Variants in EPS8 observed in about 807,000 individuals in gnomAD.
EPS8 encodes epidermal growth factor receptor kinase substrate 8.
EPS8 carries 42 observed loss-of-function variants against 103.8 expected under a neutral mutation model. The observed-to-expected ratio is 0.40, with a 90% confidence interval of 0.32 to 0.52. EPS8 has a LOEUF of 0.52. Among genes scored for constraint, EPS8 ranks in the 20% least tolerant of loss-of-function variants. The pLI is 0.40. For synonymous variants in EPS8, 344 were observed against 344.6 expected, an observed-to-expected ratio of 1.00 and a Z score of 0.02; for missense variants, 969 against 1,005.1, an observed-to-expected ratio of 0.96 and a Z score of 0.49.
chr12:15,739,421 G>T (rs2136003709), intron 1 of EPS8, among the ~76,000 whole-genome samples: 1 of 152,318 alleles, frequency 6.6e-6, no homozygotes, highest in South Asian at 2.1e-4. Context: ...AGATTGGCGT[G>T]TGAGTCGGTG....
intron 18 of EPS8, among the ~76,000 whole-genome samples, chr12:15,629,384 G>A (rs1054802301): frequency 2.0e-5 from 3 of 152,196 alleles, no homozygotes; most frequent in South Asian, 2.1e-4. Context: ...CTGTGCTGAC[G>A]TCTCTACGGA....
At position 15,784,656 on chromosome 12, in the gene EPS8, AG is replaced by A. The variant is rs1194899513; in HGVS notation, c.-22+4504del. Among the ~76,000 whole-genome samples the A allele has an allele frequency of 2.0e-5, 3 of 152,198 alleles. No homozygotes were observed. Among genetic ancestry groups the A allele is most frequent in the African/African-American group, 4.8e-5 (2 of 41,470 alleles). The stretch of plus-strand genomic sequence containing the variant: ...TCTAGATATTTATCCAACGGATATA[AG>A]AACTTATGTCTACCCAAAAACCTGC... On this transcript the variant is annotated intron_variant, in intron 1 of 20. Transcript: ENST00000281172. This position sits in a 1 kb window ranked among gnomAD's most constrained non-coding sequence, Gnocchi z 4.0.
At chr12:15,682,866 A>T (rs1423126833) in intron 2 of EPS8, 27 bp downstream of exon 2, 1 of 1,186,028 alleles carries the variant, frequency 8.4e-7, no homozygotes, top group South Asian at 1.3e-5. Context: ...CCCCCAAAAC[A>T]TATTAAATAT....
chr12:15,755,020 G>A (rs1362591939), intron 1 of EPS8, among the ~76,000 whole-genome samples: 2 of 152,174 alleles, frequency 1.3e-5, no homozygotes, highest in Non-Finnish European at 2.9e-5. Context: ...CCTGATGTGC[G>A]CATACCCAGA....
In EPS8 at chr12:15,731,454, C is replaced by A. The variant is rs754680901; in HGVS notation, c.-21-48482G>T. ...CTGGGATTACAGGTGCCTGCCACCACGCCTGGCTAATTTTTGTATTTTTAG... is the reference window on the plus strand; with the variant it reads ...CTGGGATTACAGGTGCCTGCCACCAAGCCTGGCTAATTTTTGTATTTTTAG... On this transcript the variant is annotated intron_variant, in intron 1 of 20. Transcript: ENST00000281172. This position sits in a 1 kb window ranked among gnomAD's most constrained non-coding sequence, Gnocchi z 5.1. Among the ~76,000 whole-genome samples the A allele has an allele frequency of 1.3e-5, 2 of 152,110 alleles. No homozygotes were observed. The highest frequency in any genetic ancestry group is 2.1e-4 in the South Asian group (1 of 4,824).
rs1160637670 is a variant in EPS8, at chr12:15,778,541, G to GC, written c.-22+10619dup. Among the ~76,000 whole-genome samples the GC allele has an allele frequency of 2.0e-5, 3 of 152,134 alleles. No homozygotes were observed. The highest frequency in any genetic ancestry group is 2.9e-5 in the Non-Finnish European group (2 of 68,030). ...CAGTACTTTTTTGAAAACAGACCAC[G>GC]CAACAGAGGTTCTGAGAATACAGAT... On this transcript the variant is annotated intron_variant, in intron 1 of 20. Coordinates refer to ENST00000281172, the MANE Select transcript of EPS8 (RefSeq NM_004447.6). This position sits in a 1 kb window ranked among gnomAD's most constrained non-coding sequence, Gnocchi z 4.5.
intron 1 of EPS8, among the ~76,000 whole-genome samples, chr12:15,742,464 A>C (rs910402108): frequency 6.6e-6 from 1 of 152,222 alleles, no homozygotes; most frequent in African/African-American, 2.4e-5. Context: ...ACAAAAAAAG[A>C]GAATTTTAGA....
intron 15 of EPS8, among the ~76,000 whole-genome samples, chr12:15,644,850 C>G (rs1483989038): frequency 6.6e-6 from 1 of 152,064 alleles, no homozygotes; most frequent in Non-Finnish European, 1.5e-5. Flanking sequence ...TATCAGACCA[C>G]AATTTTCAGA....
chr12:15,719,100 C>A (rs1946565392), intron 1 of EPS8, among the ~76,000 whole-genome samples: 1 of 151,984 alleles, frequency 6.6e-6, no homozygotes, highest in Non-Finnish European at 1.5e-5. Flanking sequence ...GATAAGGTGT[C>A]CTCTTATCAA....
chr12:15,703,048 C>T (rs1380838271), intron 1 of EPS8, among the ~76,000 whole-genome samples: 3 of 152,130 alleles, frequency 2.0e-5, no homozygotes, highest in African/African-American at 4.8e-5. Flanking sequence ...ACTCGGGAGG[C>T]TGAGCCACAA....
In EPS8 at chr12:15,734,152, T is replaced by G. The variant is rs1946744635; in HGVS notation, c.-21-51180A>C. Among the ~76,000 whole-genome samples the G allele has an allele frequency of 6.6e-6, 1 of 152,176 alleles. No individual in the cohort carries two copies. The highest frequency in any genetic ancestry group is 2.4e-5 in the African/African-American group (1 of 41,432). On this transcript the variant is annotated intron_variant, in intron 1 of 20. Transcript: ENST00000281172. The surrounding 1 kb of genome is among the most constrained non-coding windows in gnomAD (Gnocchi z 4.1). The stretch of plus-strand genomic sequence containing the variant: ...CATCATGCCTGGCCAGAAAATTCAT[T>G]TTTAATAACCTATAGATTAACAATG...
intron 1 of EPS8, among the ~76,000 whole-genome samples, chr12:15,686,604 AAAAG>A (rs1341994962): frequency 1.3e-5 from 2 of 152,220 alleles, no homozygotes; most frequent in Non-Finnish European, 2.9e-5. Flanking sequence ...ATAATTTTCA[AAAAG>A]AAAGGAAATG....
At chr12:15,631,315 T>C in intron 18 of EPS8, 127 bp downstream of exon 18, 2 of 1,334,776 alleles carry the variant, frequency 1.5e-6, no homozygotes, top group Non-Finnish European at 2.0e-6. Flanking sequence ...TGAAAATCTT[T>C]GCAATCTATT....
chr12:15,632,700 C>A (rs1476846269), intron 17 of EPS8, among the ~76,000 whole-genome samples: 1 of 152,142 alleles, frequency 6.6e-6, no homozygotes, highest in African/African-American at 2.4e-5. Context: ...GCCCAAATAT[C>A]AGGTAGTATT....
chr12:15,742,398 T>C (rs1034747429), intron 1 of EPS8, among the ~76,000 whole-genome samples: 1 of 152,222 alleles, frequency 6.6e-6, no homozygotes, highest in African/African-American at 2.4e-5. Flanking sequence ...TTTTTAATGA[T>C]TGCCATTCTA....
chr12:15,684,239 C>T lies in EPS8; in HGVS notation c.-21-1267G>A, dbSNP rs1037331987. On this transcript the variant is annotated intron_variant, in intron 1 of 20. Coordinates refer to ENST00000281172, the MANE Select transcript of EPS8 (RefSeq NM_004447.6). The surrounding 1 kb of genome is among the most constrained non-coding windows in gnomAD (Gnocchi z 4.9). ...AAGATCTGGTCACTTCGAGTTAATT[C>T]TGTCTCATTCTTCAGATCTCAGTTC... 1 of 152,132 alleles carries T rather than the reference C, an allele frequency of 6.6e-6. No homozygotes were observed. Among genetic ancestry groups the T allele is most frequent in the African/African-American group, 2.4e-5 (1 of 41,412 alleles). 9.4% of individuals were successfully genotyped at this position (152,132 alleles called of 1,614,324 possible).
At chr12:15,666,856 C>T (rs1475717971) in intron 6 of EPS8, among the ~76,000 whole-genome samples, 1 of 152,102 alleles carries the variant, frequency 6.6e-6, no homozygotes, top group Non-Finnish European at 1.5e-5. Context: ...GTTAGAGGCT[C>T]CCACACATAG....
intron 1 of EPS8, among the ~76,000 whole-genome samples, chr12:15,786,552 T>C (rs1565543883): frequency 6.6e-6 from 1 of 152,102 alleles, no homozygotes; most frequent in Non-Finnish European, 1.5e-5. Flanking sequence ...GGTTCATTAA[T>C]AGTAACAAAT....
At chr12:15,673,810 ACTAAGT>A (rs1400176089) in intron 3 of EPS8, among the ~76,000 whole-genome samples, 2 of 152,186 alleles carry the variant, frequency 1.3e-5, no homozygotes, top group South Asian at 2.1e-4. Context: ...CTAACATAAG[ACTAAGT>A]CTATTTCCCC....
Sources: gnomAD v4.1 joint callset for allele counts (sites outside exome capture counted in the v4.1 genomes callset) on GRCh38, gnomAD v4.1.1 for gene constraint, Gnocchi (gnomAD v3.1) non-coding constraint, MANE v1.5 for transcripts, NCBI Gene and HGNC (gene_info 2026-07-23, HGNC 2026-07-21) for gene names.